The following CLTC variants were observed in gnomAD, a reference collection of about 807,000 sequenced individuals.
CLTC encodes the protein clathrin heavy chain.
In CLTC, 16 loss-of-function variants were observed where a neutral mutation model predicts 195.8. The ratio of observed to expected loss-of-function variants is 0.08; its 90% CI spans 0.06 to 0.12. CLTC has a LOEUF of 0.12. CLTC is among the 10% of genes least tolerant of loss of function. CLTC has a pLI of 1.00. For synonymous variants in CLTC, 667 were observed against 689.4 expected, an observed-to-expected ratio of 0.97 and a Z score of 0.51; for missense variants, 796 against 2,027.0, an observed-to-expected ratio of 0.39 and a Z score of 11.66.
chr17:59,646,868 CA>C (rs1168607342), intron 2 of CLTC, among the ~76,000 whole-genome samples: 6 of 152,184 alleles, frequency 3.9e-5, no homozygotes, highest in Non-Finnish European at 5.9e-5. Flanking sequence ...ATGTAGCAGG[CA>C]CTTCTCTTAC....
chr17:59,654,693 G>A (rs547026806), intron 5 of CLTC, among the ~76,000 whole-genome samples: 1 of 151,336 alleles, frequency 6.6e-6, no homozygotes, highest in Non-Finnish European at 1.5e-5. Flanking sequence ...TTTGCCCAGG[G>A]TGGTCTCGAA....
In CLTC at chr17:59,681,523, A is replaced by G; in HGVS notation, c.3249+45A>G. The G allele has an allele frequency of 1.2e-6, 2 of 1,601,124 alleles. No homozygotes were observed. Among genetic ancestry groups the G allele is most frequent in the Non-Finnish European group, 1.7e-6 (2 of 1,170,030 alleles). ...AAGTTGAATTACTAAACACTGTGCT[A>G]TGAGGGTGGGCCTAATTGGTTGCTA... On this transcript the variant is annotated intron_variant, in intron 20 of 31. Coordinates refer to ENST00000269122, the MANE Select transcript of CLTC (RefSeq NM_004859.4). This position sits in a 1 kb window ranked among gnomAD's most constrained non-coding sequence, Gnocchi z 5.0.
intron 6 of CLTC, among the ~76,000 whole-genome samples, chr17:59,658,148 A>G (rs2143534624): frequency 6.6e-6 from 1 of 152,236 alleles, no homozygotes; most frequent in East Asian, 1.9e-4. Context: ...GGTTGCTGTG[A>G]GCCAATATTG....
chr17:59,628,534 C>G (rs1167254414), intron 1 of CLTC, among the ~76,000 whole-genome samples: 2 of 152,194 alleles, frequency 1.3e-5, no homozygotes, highest in Non-Finnish European at 2.9e-5. Context: ...CTTGAAGTTA[C>G]ACCAGACTCT....
chr17:59,648,281 T>C lies in CLTC; in HGVS notation c.561T>C (p.Asp187=), dbSNP rs1009799813. 4 of 1,614,046 alleles carry C rather than the reference T, an allele frequency of 2.5e-6. No homozygotes were observed. The highest frequency in any genetic ancestry group is 1.3e-5 in the African/African-American group (1 of 74,932). The part of the protein sequence containing the change: ...VVGAMQLYSV[D]RKVSQPIEGH... Reference sequence around the variant, plus strand: ...GAGCTATGCAGCTATATTCTGTAGATAGGAAAGTGTCTCAGCCCATTGAAG... The same window carrying C: ...GAGCTATGCAGCTATATTCTGTAGACAGGAAAGTGTCTCAGCCCATTGAAG... Residue 187 remains aspartate, a synonymous_variant, in exon 4 of 32, where the codon GAT becomes GAC. Coordinates refer to ENST00000269122, the MANE Select transcript of CLTC (RefSeq NM_004859.4). The surrounding 1 kb of genome is among the most constrained non-coding windows in gnomAD (Gnocchi z 4.5).
chr17:59,675,051 AC>A (rs1247977697), intron 16 of CLTC, among the ~76,000 whole-genome samples: 2 of 152,192 alleles, frequency 1.3e-5, no homozygotes, highest in African/African-American at 4.8e-5. Flanking sequence ...AGATCTGTTA[AC>A]TTGGTTGATC....
chr17:59,649,960 T>A (rs950067615), intron 4 of CLTC, among the ~76,000 whole-genome samples: 2 of 152,240 alleles, frequency 1.3e-5, no homozygotes, highest in African/African-American at 4.8e-5. Context: ...GGAAACCTGT[T>A]TATAGGTTAT....
At position 59,666,015 on chromosome 17, in the gene CLTC, C is replaced by A; in HGVS notation, c.1645-88C>A. ...GTGTTTATATTGTCCAAATAAAATTCTCAGGTAAAGAAAGAGTTCATGCAT... is the reference window on the plus strand; with the variant it reads ...GTGTTTATATTGTCCAAATAAAATTATCAGGTAAAGAAAGAGTTCATGCAT... On this transcript the variant is annotated intron_variant, in intron 10 of 31. Transcript: ENST00000269122. The surrounding 1 kb of genome is among the most constrained non-coding windows in gnomAD (Gnocchi z 4.9). The A allele has an allele frequency of 1.0e-6, 1 of 976,114 alleles. No homozygotes were observed. The highest frequency in any genetic ancestry group is 1.5e-6 in the Non-Finnish European group (1 of 659,336). The allele number at this position is 976,114 out of a possible 1,614,324, so 60.5% of individuals were successfully genotyped here. A position where few individuals can be genotyped will look rare whatever the true frequency, so the allele number is the denominator to read the frequency against.
chr17:59,624,763 C>G (rs2031495650), intron 1 of CLTC, among the ~76,000 whole-genome samples: 1 of 151,988 alleles, frequency 6.6e-6, no homozygotes, highest in African/African-American at 2.4e-5. Flanking sequence ...GCTGCTGCTC[C>G]TGGCCTCATA....
intron 13 of CLTC, among the ~76,000 whole-genome samples, chr17:59,667,583 G>T (rs2032759843): frequency 6.6e-6 from 1 of 152,180 alleles, no homozygotes; most frequent in South Asian, 2.1e-4. Context: ...TATTTAGCAG[G>T]ATTTCTTAAC....
rs375584046 is a variant in CLTC, at chr17:59,679,408, G to A, written c.2808G>A (p.Glu936=). 1 of 1,603,688 alleles carries A rather than the reference G, an allele frequency of 6.2e-7. No individual in the cohort carries two copies. Among genetic ancestry groups the A allele is most frequent in the Non-Finnish European group, 8.5e-7 (1 of 1,174,520 alleles). The part of the protein sequence containing the change: ...CDLELINVCN[E]NSLFKSLSRY... ...CATATCTTCTTTAGGTTTGCAATGA[G>A]AATTCCCTCTTCAAAAGTCTTTCTC... is the stretch of plus-strand genomic sequence containing the variant. The change falls in exon 18 of 32, where the codon GAG becomes GAA. Residue 936 remains glutamate (E), a synonymous_variant. Transcript: ENST00000269122.
At chr17:59,627,102 T>C (rs945516370) in intron 1 of CLTC, among the ~76,000 whole-genome samples, 1 of 152,054 alleles carries the variant, frequency 6.6e-6, no homozygotes, top group African/African-American at 2.4e-5. Context: ...GGTTTTGCCA[T>C]GTTTCCCAGG....
Position 59,696,094 on chromosome 17 carries a change from A to G in CLTC, c.*2242A>G, listed in dbSNP as rs1211610461. ...CCTTTGAATTTGGAGCCATCAGTCT[A>G]TCTGAGGCAAACCTCAGAAATTACC... On this transcript the variant is annotated 3_prime_UTR_variant, in exon 32 of 32. Transcript: ENST00000269122. 4 of 213,822 alleles carry G rather than the reference A, an allele frequency of 1.9e-5. No individual in the cohort carries two copies. The highest frequency in any genetic ancestry group is 6.8e-5 in the African/African-American group (3 of 44,214). 13.2% of individuals were successfully genotyped at this position (213,822 alleles called of 1,614,324 possible).
rs1567972878 is a variant in CLTC, at chr17:59,685,577, C to G, written c.4606-10C>G. The G allele has an allele frequency of 6.2e-7, 1 of 1,605,842 alleles. No individual in the cohort carries two copies. On this transcript the variant is annotated splice_polypyrimidine_tract_variant and intron_variant, in intron 29 of 31. Coordinates refer to ENST00000269122, the MANE Select transcript of CLTC (RefSeq NM_004859.4). This position sits in a 1 kb window ranked among gnomAD's most constrained non-coding sequence, Gnocchi z 5.0. ...CTAATGTTTTTGACTTTCACTATTT[C>G]TTTGAATAGGATGCAATGCAGTATG...
chr17:59,691,264 T>C (rs1457074934), intron 31 of CLTC, among the ~76,000 whole-genome samples: 2 of 152,174 alleles, frequency 1.3e-5, no homozygotes, highest in Admixed American at 1.3e-4. Flanking sequence ...GGTGAACAGA[T>C]TCATTTGAAC....
intron 8 of CLTC, among the ~76,000 whole-genome samples, chr17:59,662,406 C>T (rs921482163): frequency 2.0e-5 from 3 of 152,026 alleles, no homozygotes; most frequent in Non-Finnish European, 4.4e-5. Context: ...TGAGAAACAG[C>T]CAAAGGATGT....
intron 8 of CLTC, among the ~76,000 whole-genome samples, chr17:59,663,302 TC>T (rs1293056931): frequency 6.6e-6 from 1 of 152,170 alleles, no homozygotes; most frequent in Non-Finnish European, 1.5e-5. Context: ...CTTAAGAGTG[TC>T]CTTCCTGCCC....
chr17:59,660,692 T>C (rs2032587662), intron 7 of CLTC, 104 bp downstream of exon 7: 1 of 1,131,876 alleles, frequency 8.8e-7, no homozygotes, highest in Non-Finnish European at 1.3e-6. Context: ...ATAAACTGTT[T>C]TTAGATTACA....
At chr17:59,675,049 TAAC>T (rs2032934717) in intron 16 of CLTC, among the ~76,000 whole-genome samples, 1 of 152,216 alleles carries the variant, frequency 6.6e-6, no homozygotes, top group Admixed American at 6.5e-5. Flanking sequence ...GGAGATCTGT[TAAC>T]TTGGTTGATC....
Sources: allele counts gnomAD v4.1 joint callset (sites outside exome capture counted in the v4.1 genomes callset), GRCh38; gene constraint gnomAD v4.1.1; non-coding constraint Gnocchi (gnomAD v3.1); transcripts MANE v1.5; gene names NCBI Gene and HGNC (gene_info 2026-07-23, HGNC 2026-07-21).